TAFA1: variants seen among roughly 807,000 people sequenced by gnomAD.
TAFA1 encodes TAFA chemokine like family member 1.
TAFA1 carries 4 observed loss-of-function variants against 18.5 expected under a neutral mutation model. The observed-to-expected ratio is 0.22, with a 90% confidence interval of 0.11 to 0.49. The LOEUF (loss-of-function observed/expected upper bound fraction) is 0.49, where lower values mean the gene tolerates loss of function less well. Ranked by LOEUF, TAFA1 falls within the 20% of genes least tolerant of loss-of-function variation. The pLI, the probability that TAFA1 is intolerant of heterozygous loss-of-function variation, is 0.98. For synonymous variants in TAFA1, 56 were observed against 55.2 expected (o/e 1.01, Z -0.06); for missense variants, 147 against 169.0 (o/e 0.87, Z 0.72).
chr3:68,351,102 A>G (rs992899444), intron 2 of TAFA1, among the ~76,000 whole-genome samples: 1 of 152,138 alleles, frequency 6.6e-6, no homozygotes, highest in African/African-American at 2.4e-5. Flanking sequence ...GCCATGCTCC[A>G]GATCAACTGA....
rs552240512 is a variant in TAFA1 at position 68,270,862 on chromosome 3, C to G, written c.119-146418C>G. On this transcript the variant is annotated intron_variant, in intron 2 of 4. Coordinates refer to ENST00000478136, the MANE Select transcript of TAFA1 (RefSeq NM_213609.4). ...AAGCACCTGGGGGGCATTTAGCATACATGAGCTTTTGTTTTTTAAGAAAGC... is the reference window on the plus strand; with the variant it reads ...AAGCACCTGGGGGGCATTTAGCATAGATGAGCTTTTGTTTTTTAAGAAAGC... Among the ~76,000 whole-genome samples, 4 of 152,242 alleles carry G rather than the reference C, an allele frequency of 2.6e-5. No individual in the cohort carries two copies. In the East Asian group the frequency reaches 7.7e-4, roughly 29 times the overall value.
intron 2 of TAFA1, among the ~76,000 whole-genome samples, chr3:68,179,106 T>A (rs1266444721): frequency 6.6e-6 from 1 of 152,226 alleles, no homozygotes; most frequent in Non-Finnish European, 1.5e-5. Flanking sequence ...CACTCAAGAC[T>A]ACATAATTGC....
chr3:68,342,816 A>G (rs1369780427), intron 2 of TAFA1, among the ~76,000 whole-genome samples: 1 of 152,186 alleles, frequency 6.6e-6, no homozygotes, highest in Non-Finnish European at 1.5e-5. Flanking sequence ...ACAAAGGCCC[A>G]ATCTGGCCTT....
intron 2 of TAFA1, among the ~76,000 whole-genome samples, chr3:68,168,820 A>G (rs2066016734): frequency 6.6e-6 from 1 of 152,208 alleles, no homozygotes; most frequent in African/African-American, 2.4e-5. Context: ...TCTTATTTAT[A>G]GCCAGGAGTC....
intron 2 of TAFA1, among the ~76,000 whole-genome samples, chr3:68,193,203 C>T (rs2066370152): frequency 1.3e-5 from 2 of 151,638 alleles, no homozygotes; most frequent in Admixed American, 6.6e-5. Context: ...TTATACATAC[C>T]ATGCTGCTAA....
chr3:68,348,834 T>C (rs2069212468), intron 2 of TAFA1, among the ~76,000 whole-genome samples: 1 of 152,020 alleles, frequency 6.6e-6, no homozygotes, highest in Non-Finnish European at 1.5e-5. Context: ...TCACATTAGT[T>C]CATGAAAAGT....
chr3:68,015,577 C>T (rs1704554530), intron 2 of TAFA1, among the ~76,000 whole-genome samples: 1 of 152,124 alleles, frequency 6.6e-6, no homozygotes, highest in Admixed American at 6.5e-5. Flanking sequence ...CGTGAGCCAC[C>T]GTGCCCAGCC....
At chr3:68,078,755 C>T (rs2064858513) in intron 2 of TAFA1, among the ~76,000 whole-genome samples, 3 of 152,106 alleles carry the variant, frequency 2.0e-5, no homozygotes, top group Admixed American at 1.3e-4. Context: ...TCATCAAGGA[C>T]ATTGGTCTAA....
chr3:68,469,881 A>G (rs779475145), intron 3 of TAFA1, among the ~76,000 whole-genome samples: 5 of 152,220 alleles, frequency 3.3e-5, no homozygotes, highest in Admixed American at 6.5e-5. Flanking sequence ...AACAGAATCT[A>G]TAGGGACACT....
chr3:68,065,763 T>TAC (rs1378556104), intron 2 of TAFA1, among the ~76,000 whole-genome samples: 2 of 138,144 alleles, frequency 1.4e-5, no homozygotes, highest in Non-Finnish European at 1.6e-5. Flanking sequence ...TATATATATA[T>TAC]ATACACACAC....
chr3:68,437,323 G>C (rs929184944), intron 3 of TAFA1, among the ~76,000 whole-genome samples: 1 of 152,164 alleles, frequency 6.6e-6, no homozygotes. Flanking sequence ...TCTACATAAA[G>C]AGAATATAGT....
chr3:68,043,864 C>A (rs924502538), intron 2 of TAFA1, among the ~76,000 whole-genome samples: 4 of 151,836 alleles, frequency 2.6e-5, no homozygotes, highest in Non-Finnish European at 4.4e-5. Flanking sequence ...TTTTATTATA[C>A]CTTAATTTCT....
intron 2 of TAFA1, among the ~76,000 whole-genome samples, chr3:68,119,111 C>T (rs1254484497): frequency 1.3e-5 from 2 of 151,512 alleles, no homozygotes; most frequent in Admixed American, 1.3e-4. Flanking sequence ...TTTTGATTTG[C>T]ATTTCCATAA....
intron 2 of TAFA1, among the ~76,000 whole-genome samples, chr3:68,399,974 G>T (rs1232802932): frequency 6.6e-6 from 1 of 152,126 alleles, no homozygotes; most frequent in African/African-American, 2.4e-5. Flanking sequence ...CTCCAAAGGT[G>T]AGCTCACATT....
chr3:68,376,676 T>G (rs1023200855), intron 2 of TAFA1, among the ~76,000 whole-genome samples: 12 of 152,204 alleles, frequency 7.9e-5, no homozygotes, highest in African/African-American at 2.9e-4. Flanking sequence ...TTAAGTTGAT[T>G]CCATATCTTT....
At chr3:68,116,696 C>T (rs1451492606) in intron 2 of TAFA1, among the ~76,000 whole-genome samples, 2 of 152,130 alleles carry the variant, frequency 1.3e-5, no homozygotes, top group South Asian at 2.1e-4. Context: ...CTGCTTGCCC[C>T]CTCATCTCTG....
chr3:68,013,347 A>G, intron 2 of TAFA1, among the ~76,000 whole-genome samples: 1 of 152,154 alleles, frequency 6.6e-6, no homozygotes, highest in East Asian at 1.9e-4. Flanking sequence ...TTTTGTCAGT[A>G]TAACATACAT....
chr3:67,993,729 T>C, the TAFA1 span, among the ~76,000 whole-genome samples: 2 of 152,196 alleles, frequency 1.3e-5, no homozygotes, highest in Non-Finnish European at 2.9e-5. Flanking sequence ...CTATTTTTAC[T>C]TTGCTCAGAA....
chr3:68,159,252 C>T (rs143244398), intron 2 of TAFA1, among the ~76,000 whole-genome samples: 19 of 152,250 alleles, frequency 1.2e-4, no homozygotes, highest in East Asian at 3.9e-4. Flanking sequence ...ATCCCCTCAT[C>T]GCCTGATTAG....
Sources: allele counts gnomAD v4.1 joint callset (sites outside exome capture counted in the v4.1 genomes callset), GRCh38; gene constraint gnomAD v4.1.1; transcripts MANE v1.5; gene names NCBI Gene and HGNC (gene_info 2026-07-23, HGNC 2026-07-21).